RP1: variants seen among roughly 807,000 people sequenced by gnomAD.
The protein encoded by RP1 is oxygen-regulated protein 1.
In RP1, 16 loss-of-function variants were observed where a neutral mutation model predicts 14.8. The ratio of observed to expected loss-of-function variants is 1.08; its 90% CI spans 0.73 to 1.65. RP1 has a LOEUF of 1.65. Among genes scored for constraint, RP1 ranks in the 40% most tolerant of loss-of-function variants. The pLI, the probability that RP1 is intolerant of heterozygous loss-of-function variation, is 0.00. For missense variants in RP1, 2,631 were observed against 2,535.0 expected (o/e 1.04, Z -0.81); for synonymous variants, 876 against 883.6 (o/e 0.99, Z 0.15).
intron 1 of RP1, among the ~76,000 whole-genome samples, chr8:54,584,307 G>T (rs536666469): frequency 6.6e-6 from 1 of 152,264 alleles, no homozygotes; most frequent in African/African-American, 2.4e-5. Flanking sequence ...GTAGTTGAGC[G>T]GTTTTGAGTG....
chr8:54,837,496 A>C lies in RP1; in HGVS notation c.3662A>C (p.His1221Pro), dbSNP rs948444632. Residue 1221 changes from histidine to proline, a missense_variant, in exon 25 of 29, where the codon CAT becomes CCT. His to Pro is a moderately conservative substitution (Grantham distance 77). Transcript: ENST00000637698. The stretch of plus-strand genomic sequence containing the variant: ...GAAATCTATAAAATACGTATTGGAC[A>C]TGACAACACTGGAAAGAATCCCAGG... 25 of 1,231,636 alleles carry C rather than the reference A, an allele frequency of 2.0e-5. No homozygotes were observed. In the African/African-American group the frequency reaches 3.3e-4, roughly 16 times the overall value. 76.3% of individuals were successfully genotyped at this position (1,231,636 alleles called of 1,614,324 possible).
At chr8:54,583,496 A>G (rs1486641155) in intron 1 of RP1, among the ~76,000 whole-genome samples, 2 of 152,188 alleles carry the variant, frequency 1.3e-5, no homozygotes, top group African/African-American at 4.8e-5. Flanking sequence ...CTTTGGTATC[A>G]GGATGATGCT....
At position 54,627,078 on chromosome 8, in the gene RP1, G is replaced by A; in HGVS notation, c.3196G>A (p.Glu1066Lys). The A allele has an allele frequency of 6.2e-7, 1 of 1,614,052 alleles. No homozygotes were observed. The highest frequency in any genetic ancestry group is 8.5e-7 in the Non-Finnish European group (1 of 1,179,986). ...CCTAGCTAGAAAAAGGCAAAGTGTA[G>A]AGGCTGCCATTCAAGTAGATCCTAT... ...INLARKRQSV[E>K]AAIQVDPIEE... is the part of the protein sequence containing the mutation. The change falls in exon 4 of 4, where the codon GAG becomes AAG. Residue 1066 changes from glutamate to lysine, a missense_variant. By Grantham distance (56) the Glu-to-Lys change is moderately conservative. Transcript: ENST00000220676.
chr8:54,733,522 T>A (rs1337865656), intron 17 of RP1, among the ~76,000 whole-genome samples: 1 of 152,152 alleles, frequency 6.6e-6, no homozygotes, highest in African/African-American at 2.4e-5. Flanking sequence ...ATTAGTTCAT[T>A]ATAGCTTAGC....
chr8:54,860,996 A>G (rs1295046622), intron 27 of RP1, among the ~76,000 whole-genome samples: 1 of 152,214 alleles, frequency 6.6e-6, no homozygotes, highest in Non-Finnish European at 1.5e-5. Context: ...TTTGAAACTC[A>G]GTTAAGGAAC....
At chr8:54,870,365 T>C (rs1456900870) in exon 29 of RP1, 1 of 154,230 alleles carries the variant, frequency 6.5e-6, no homozygotes, top group East Asian at 1.9e-4. Flanking sequence ...ATTTGATGCA[T>C]GAAAAACACT....
intron 27 of RP1, among the ~76,000 whole-genome samples, chr8:54,861,902 T>G (rs1812351151): frequency 6.6e-6 from 1 of 152,156 alleles, no homozygotes; most frequent in Non-Finnish European, 1.5e-5. Flanking sequence ...GGGCACAGCC[T>G]GAAAGAAACT....
rs771855855 is a variant in RP1 at position 54,629,721 on chromosome 8, T to C, written c.5839T>C (p.Leu1947=). 6 of 1,612,130 alleles carry C rather than the reference T, an allele frequency of 3.7e-6. No individual in the cohort carries two copies. Among genetic ancestry groups the C allele is most frequent in the Non-Finnish European group, 5.1e-6 (6 of 1,179,084 alleles). Residue 1947 remains leucine, a synonymous_variant, in exon 4 of 4, where the codon TTG becomes CTG. Transcript: ENST00000220676. ...CAAAGAATCTGATATTGAAAATTTCTTGGGTTTTTATTTATGGATGAAAAT... is the reference window on the plus strand; with the variant it reads ...CAAAGAATCTGATATTGAAAATTTCCTGGGTTTTTATTTATGGATGAAAAT... ...YRKESDIENF[L]GFYLWMKIHP...
chr8:54,623,267 A>ATTGCC (rs953180200), intron 3 of RP1, among the ~76,000 whole-genome samples: 3 of 152,106 alleles, frequency 2.0e-5, no homozygotes, highest in African/African-American at 7.2e-5. Flanking sequence ...TCTGATACAG[A>ATTGCC]TTGCCGAGTA....
intron 25 of RP1, among the ~76,000 whole-genome samples, chr8:54,844,133 G>A (rs1053341828): frequency 6.6e-6 from 1 of 152,050 alleles, no homozygotes; most frequent in Non-Finnish European, 1.5e-5. Context: ...ACTTTTTCCC[G>A]AGATGAAAGA....
chr8:54,815,533 T>C (rs1811117242), intron 24 of RP1, among the ~76,000 whole-genome samples: 1 of 152,246 alleles, frequency 6.6e-6, no homozygotes, highest in South Asian at 2.1e-4. Flanking sequence ...AAAATGTGAA[T>C]ATTAAGATAG....
chr8:54,800,997 C>G (rs1810691068), intron 24 of RP1, among the ~76,000 whole-genome samples: 1 of 152,148 alleles, frequency 6.6e-6, no homozygotes, highest in Non-Finnish European at 1.5e-5. Flanking sequence ...TGGAGATAAG[C>G]ACACTTTCCT....
intron 1 of RP1, among the ~76,000 whole-genome samples, chr8:54,590,310 G>C (rs570200054): frequency 6.6e-6 from 1 of 152,036 alleles, no homozygotes; most frequent in East Asian, 1.9e-4. Flanking sequence ...TTCCAGCAAA[G>C]AGCCGCCCAC....
chr8:54,713,076 T>A (rs1001575540), intron 15 of RP1, among the ~76,000 whole-genome samples: 1 of 151,946 alleles, frequency 6.6e-6, no homozygotes, highest in Admixed American at 6.6e-5. Context: ...ACTCAAGAAA[T>A]GCTTTTTTTT....
chr8:54,797,690 CAGTT>C (rs1230445555), intron 24 of RP1, among the ~76,000 whole-genome samples: 2 of 152,152 alleles, frequency 1.3e-5, no homozygotes, highest in East Asian at 3.9e-4. Flanking sequence ...TTACAAGCTA[CAGTT>C]GTTTTCACAC....
intron 20 of RP1, chr8:54,755,085 A>C: frequency 1.3e-6 from 1 of 798,446 alleles, no homozygotes; most frequent in Non-Finnish European, 1.8e-6. Context: ...TTAATGTCAC[A>C]GCATGAGTTG....
upstream of RP1, among the ~76,000 whole-genome samples, chr8:54,615,580 G>A (rs527555907): frequency 1.1e-4 from 16 of 152,296 alleles, no homozygotes; most frequent in South Asian, 2.1e-4. Context: ...GCATTTCATC[G>A]TGTGCTGCTT....
At chr8:54,854,768 G>A (rs969058188) in intron 26 of RP1, among the ~76,000 whole-genome samples, 1 of 152,156 alleles carries the variant, frequency 6.6e-6, no homozygotes, top group Non-Finnish European at 1.5e-5. Flanking sequence ...AGGAGGCTGA[G>A]GCAGGAGAAT....
Position 54,629,493 on chromosome 8 carries a change from T to C in RP1, c.5611T>C (p.Phe1871Leu), listed in dbSNP as rs1469064830. Residue 1871 changes from phenylalanine (F) to leucine (L), a missense_variant, in exon 4 of 4, where the codon TTT (phenylalanine) becomes CTT (leucine). Coordinates refer to ENST00000220676, the MANE Select transcript of RP1 (RefSeq NM_006269.2). ...ERVCTSVTHS[F>L]ISAGNKVYPV... ...AGTATGCACATCTGTCACTCATTCCTTTATTTCTGCTGGTAACAAAGTCTA... is the reference window on the plus strand; with the variant it reads ...AGTATGCACATCTGTCACTCATTCCCTTATTTCTGCTGGTAACAAAGTCTA... The C allele has an allele frequency of 1.2e-6, 2 of 1,614,046 alleles. No homozygotes were observed. Among genetic ancestry groups the C allele is most frequent in the Non-Finnish European group, 1.7e-6 (2 of 1,180,018 alleles).
Sources: allele counts gnomAD v4.1 joint callset (sites outside exome capture counted in the v4.1 genomes callset), GRCh38; gene constraint gnomAD v4.1.1; transcripts MANE v1.5; gene names NCBI Gene and HGNC (gene_info 2026-07-23, HGNC 2026-07-21).